The following SLC4A4 variants were observed in gnomAD, a reference collection of about 807,000 sequenced individuals.
SLC4A4 encodes the protein solute carrier family 4 member 4, also known as electrogenic sodium bicarbonate cotransporter 1.
A neutral mutation model predicts 111.5 loss-of-function variants in SLC4A4; 27 were observed. The observed-to-expected ratio is 0.24, with a 90% CI of 0.18 to 0.33. The LOEUF is 0.33. Among genes scored for constraint, SLC4A4 ranks in the 10% least tolerant of loss-of-function variants. The pLI is 1.00. For missense variants in SLC4A4, 909 were observed against 1,315.5 expected (o/e 0.69, Z 4.78); for synonymous variants, 443 against 463.4 (o/e 0.96, Z 0.57).
chr4:71,193,733 A>G (rs1745860280), intron 1 of SLC4A4, among the ~76,000 whole-genome samples: 1 of 152,018 alleles, frequency 6.6e-6, no homozygotes, highest in South Asian at 2.1e-4. Context: ...CTTTTTCGTA[A>G]AGTACTTGTT....
intron 3 of SLC4A4, among the ~76,000 whole-genome samples, chr4:71,285,280 G>A (rs1723826860): frequency 6.6e-6 from 1 of 152,186 alleles, no homozygotes; most frequent in South Asian, 2.1e-4. Context: ...GGCATAACAA[G>A]TTCTTTGTGA....
At chr4:71,531,479 C>T (rs1733910020) in intron 16 of SLC4A4, among the ~76,000 whole-genome samples, 1 of 152,020 alleles carries the variant, frequency 6.6e-6, no homozygotes, top group South Asian at 2.1e-4. Flanking sequence ...CTTGACATTA[C>T]TTTGAGGTCT....
Position 71,557,707 on chromosome 4 carries a change from C to T in SLC4A4, c.2764-5C>T. 3 of 1,612,436 alleles carry T rather than the reference C, an allele frequency of 1.9e-6. No homozygotes were observed. Among genetic ancestry groups the T allele is most frequent in the Non-Finnish European group, 2.5e-6 (3 of 1,179,072 alleles). ...AGTTGGACTCCTTTCCTCTTTCCTCCCCAGTTCATGGATCGTCTGAAGCTG... is the reference window on the plus strand; with the variant it reads ...AGTTGGACTCCTTTCCTCTTTCCTCTCCAGTTCATGGATCGTCTGAAGCTG... On this transcript the variant is annotated splice_region_variant and splice_polypyrimidine_tract_variant and intron_variant, in intron 21 of 25. Transcript: ENST00000264485.
chr4:71,502,828 A>G (rs926115557), intron 16 of SLC4A4, among the ~76,000 whole-genome samples: 1 of 152,186 alleles, frequency 6.6e-6, no homozygotes, highest in Non-Finnish European at 1.5e-5. Flanking sequence ...AATATTCTGT[A>G]AAGGTCTGTT....
chr4:71,314,596 A>G lies in SLC4A4; in HGVS notation c.254-24774A>G, dbSNP rs547109671. Among the ~76,000 whole-genome samples, 12 of 152,268 alleles carry G rather than the reference A, an allele frequency of 7.9e-5. No homozygotes were observed. In the South Asian group the frequency reaches 2.5e-3, roughly 32 times the overall value. ...GGAATACTGTGCAGCCATAAAAAAGAATGAGTTCATGTCCTTTGCAGAGAC... is the reference window on the plus strand; with the variant it reads ...GGAATACTGTGCAGCCATAAAAAAGGATGAGTTCATGTCCTTTGCAGAGAC... On this transcript the variant is annotated intron_variant, in intron 3 of 25. Transcript: ENST00000264485.
intron 1 of SLC4A4, among the ~76,000 whole-genome samples, chr4:71,191,269 A>G (rs1169849247): frequency 3.3e-5 from 5 of 152,214 alleles, no homozygotes; most frequent in South Asian, 2.1e-4. Flanking sequence ...CTGGAAAAAG[A>G]TAGTGGTAGA....
chr4:71,095,593 C>T (rs1742523358), intron 2 of SLC4A4, among the ~76,000 whole-genome samples: 1 of 152,160 alleles, frequency 6.6e-6, no homozygotes, highest in Non-Finnish European at 1.5e-5. Context: ...TTGATTTTTG[C>T]TGACTTCCCT....
chr4:71,278,092 C>T (rs1723218394), intron 3 of SLC4A4, among the ~76,000 whole-genome samples: 2 of 152,078 alleles, frequency 1.3e-5, no homozygotes, highest in South Asian at 4.1e-4. Context: ...CCAACATCTC[C>T]CCATTCTCCC....
intron 23 of SLC4A4, among the ~76,000 whole-genome samples, chr4:71,563,508 G>C (rs10518089): frequency 0.19 from 28,770 of 151,734 alleles, 3,694 homozygotes; most frequent in East Asian, 0.58. Flanking sequence ...AAACATTGCT[G>C]ATTGGGAGTC....
intron 1 of SLC4A4, among the ~76,000 whole-genome samples, chr4:71,206,321 C>T (rs569459462): frequency 6.6e-6 from 1 of 152,066 alleles, no homozygotes; most frequent in South Asian, 2.1e-4. Context: ...TGTGAGTGTT[C>T]AATAATCTCA....
At chr4:71,240,536 T>C (rs1299350762) in intron 2 of SLC4A4, among the ~76,000 whole-genome samples, 1 of 152,186 alleles carries the variant, frequency 6.6e-6, no homozygotes, top group Non-Finnish European at 1.5e-5. Context: ...CTTAATGCAG[T>C]GGGAAGTATG....
intron 16 of SLC4A4, among the ~76,000 whole-genome samples, chr4:71,518,610 TG>T (rs1418688790): frequency 6.6e-6 from 1 of 152,108 alleles, no homozygotes; most frequent in Non-Finnish European, 1.5e-5. Context: ...GTCTGGAGGC[TG>T]GGTCTGCAGC....
intron 1 of SLC4A4, chr4:71,233,196 T>G (rs1578639821): frequency 1.1e-6 from 1 of 883,304 alleles, no homozygotes; most frequent in South Asian, 5.2e-5. Context: ...CTCTAGTGCC[T>G]TGGCTTGTGC....
intron 16 of SLC4A4, among the ~76,000 whole-genome samples, chr4:71,522,740 C>T (rs754970879): frequency 6.6e-6 from 1 of 152,192 alleles, no homozygotes; most frequent in Admixed American, 6.5e-5. Flanking sequence ...TTTTAATATA[C>T]TTCCTTGTTG....
At chr4:71,357,261 T>C in intron 6 of SLC4A4, 74 bp downstream of exon 6, 1 of 1,441,474 alleles carries the variant, frequency 6.9e-7, no homozygotes, top group South Asian at 1.1e-5. Flanking sequence ...CCTGTCATCT[T>C]TGTTTTAACC....
intron 3 of SLC4A4, among the ~76,000 whole-genome samples, chr4:71,265,867 C>A (rs909269475): frequency 6.6e-6 from 1 of 152,108 alleles, no homozygotes; most frequent in Non-Finnish European, 1.5e-5. Flanking sequence ...TTTCCTAATA[C>A]CTGATTTTTA....
Position 71,322,118 on chromosome 4 carries a change from G to A in SLC4A4, c.254-17252G>A, listed in dbSNP as rs533473135. On this transcript the variant is annotated intron_variant, in intron 3 of 25. Coordinates refer to ENST00000264485, the MANE Select transcript of SLC4A4 (RefSeq NM_001098484.3). ...AGAGTTCCAGCAAAATCTTTAGAGC[G>A]TTAATACATCTGTGGGGAATGTCAC... Among the ~76,000 whole-genome samples the A allele has an allele frequency of 8.5e-5, 13 of 152,086 alleles. No individual in the cohort carries two copies. The South Asian group carries it at 1.5e-3, about 17-fold the overall frequency.
intron 1 of SLC4A4, among the ~76,000 whole-genome samples, chr4:71,196,103 G>C (rs181854294): frequency 3.3e-5 from 5 of 152,332 alleles, no homozygotes; most frequent in African/African-American, 1.2e-4. Flanking sequence ...TGTGACCACA[G>C]CTGCAGTGAG....
intron 15 of SLC4A4, among the ~76,000 whole-genome samples, chr4:71,491,918 G>T (rs1433441499): frequency 1.3e-5 from 2 of 151,220 alleles, no homozygotes; most frequent in Non-Finnish European, 3.0e-5. Context: ...TGACACTGAG[G>T]ATCTACTGTA....
Sources: allele counts gnomAD v4.1 joint callset (sites outside exome capture counted in the v4.1 genomes callset), GRCh38; gene constraint gnomAD v4.1.1; transcripts MANE v1.5; gene names NCBI Gene and HGNC (gene_info 2026-07-23, HGNC 2026-07-21).